The following NAV2 variants were observed in gnomAD, a reference collection of about 807,000 sequenced individuals.
NAV2 encodes helicase, APC down-regulated 1.
NAV2 carries 54 observed loss-of-function variants against 223.2 expected under a neutral mutation model. The ratio of observed to expected loss-of-function variants is 0.24; its 90% CI spans 0.19 to 0.30. The LOEUF (loss-of-function observed/expected upper bound fraction) is 0.30, where lower values mean the gene tolerates loss of function less well. Among genes scored for constraint, NAV2 ranks in the 10% least tolerant of loss-of-function variants. The probability of loss-of-function intolerance (pLI) is 1.00; values close to 1 mark genes in which losing one functional copy is unlikely to be tolerated. For missense variants in NAV2, 2,806 were observed against 3,147.5 expected (o/e 0.89, Z 2.60); for synonymous variants, 1,279 against 1,239.3 (o/e 1.03, Z -0.67).
chr11:19,487,700 G>A (rs781705595), intron 1 of NAV2, among the ~76,000 whole-genome samples: 1 of 152,164 alleles, frequency 6.6e-6, no homozygotes, highest in South Asian at 2.1e-4. Flanking sequence ...ACTGATTCAT[G>A]CCAACAACCA....
At chr11:19,718,781 T>C (rs2050518934) in intron 1 of NAV2, among the ~76,000 whole-genome samples, 1 of 152,192 alleles carries the variant, frequency 6.6e-6, no homozygotes, top group Non-Finnish European at 1.5e-5. Context: ...TTATTCAGGG[T>C]AACATTACAT....
At chr11:19,372,070 C>T (rs1202647008) in intron 1 of NAV2, among the ~76,000 whole-genome samples, 1 of 152,154 alleles carries the variant, frequency 6.6e-6, no homozygotes, top group Non-Finnish European at 1.5e-5. Context: ...TGAGCCACTG[C>T]ACCTGGCCTA....
chr11:19,385,854 T>C (rs1261434239), intron 1 of NAV2, among the ~76,000 whole-genome samples: 1 of 148,796 alleles, frequency 6.7e-6, no homozygotes, highest in East Asian at 2.1e-4. Flanking sequence ...CTCCGCCTCC[T>C]GGGTTCACGC....
intron 1 of NAV2, among the ~76,000 whole-genome samples, chr11:19,758,589 T>G (rs2054441041): frequency 6.6e-6 from 1 of 152,136 alleles, no homozygotes; most frequent in Non-Finnish European, 1.5e-5. Context: ...CAGGCCCAGG[T>G]GACTCAGGGA....
chr11:19,833,335 C>G (rs1305806296), intron 2 of NAV2, among the ~76,000 whole-genome samples: 1 of 152,202 alleles, frequency 6.6e-6, no homozygotes, highest in Non-Finnish European at 1.5e-5. Flanking sequence ...AGGGCCCAGC[C>G]TCTCTGGCAT....
At chr11:19,568,771 C>T (rs1195206926) in intron 1 of NAV2, among the ~76,000 whole-genome samples, 5 of 152,190 alleles carry the variant, frequency 3.3e-5, no homozygotes, top group South Asian at 2.1e-4. Flanking sequence ...GTGCTGCTAA[C>T]GTCACCTCCC....
At chr11:20,037,023 G>A (rs913542404) in intron 12 of NAV2, among the ~76,000 whole-genome samples, 2 of 152,266 alleles carry the variant, frequency 1.3e-5, no homozygotes, top group East Asian at 1.9e-4. Context: ...TAGTGGAAAC[G>A]TAAAGTGCTG....
At chr11:19,972,438 A>G (rs2049329640) in intron 10 of NAV2, among the ~76,000 whole-genome samples, 1 of 152,218 alleles carries the variant, frequency 6.6e-6, no homozygotes, top group Non-Finnish European at 1.5e-5. Flanking sequence ...CCAAAGGTCT[A>G]TATATCTGTT....
At chr11:19,555,679 T>C (rs2044860875) in intron 1 of NAV2, among the ~76,000 whole-genome samples, 1 of 152,126 alleles carries the variant, frequency 6.6e-6, no homozygotes, top group African/African-American at 2.4e-5. Flanking sequence ...AGGTTGAAAA[T>C]GTGACTCCTT....
intron 1 of NAV2, chr11:19,777,676 A>G: frequency 2.5e-6 from 1 of 400,640 alleles, no homozygotes; most frequent in Non-Finnish European, 5.0e-6. Context: ...GCTAGATCTC[A>G]GGGGAGGTGT....
At chr11:20,104,760 C>T (rs2153705031) in intron 34 of NAV2, 1 of 152,292 alleles carries the variant, frequency 6.6e-6, no homozygotes, top group South Asian at 2.1e-4. Context: ...GACCATAGAA[C>T]TCTCGTGCTT....
intron 11 of NAV2, among the ~76,000 whole-genome samples, chr11:19,994,282 C>T (rs1277370037): frequency 1.3e-5 from 2 of 152,026 alleles, no homozygotes; most frequent in East Asian, 1.9e-4. Context: ...CGTGGTGGCT[C>T]ATGCCTGTAA....
intron 1 of NAV2, among the ~76,000 whole-genome samples, chr11:19,578,861 G>A: frequency 6.6e-6 from 1 of 152,152 alleles, no homozygotes; most frequent in East Asian, 1.9e-4. Flanking sequence ...GGAAAGGTTT[G>A]CTACCTTTGG....
chr11:19,935,716 A>T (rs1419023324), intron 7 of NAV2, among the ~76,000 whole-genome samples: 1 of 151,958 alleles, frequency 6.6e-6, no homozygotes, highest in Non-Finnish European at 1.5e-5. Flanking sequence ...GGGTCATACC[A>T]ATCTTTTTAA....
At chr11:19,788,129 C>G (rs978812412) in intron 1 of NAV2, among the ~76,000 whole-genome samples, 1 of 152,204 alleles carries the variant, frequency 6.6e-6, no homozygotes, top group Non-Finnish European at 1.5e-5. Flanking sequence ...CGGGGTTTCT[C>G]AGCCTCAGCA....
intron 6 of NAV2, among the ~76,000 whole-genome samples, chr11:19,928,170 T>C (rs1198336736): frequency 6.6e-6 from 1 of 152,058 alleles, no homozygotes; most frequent in African/African-American, 2.4e-5. Flanking sequence ...TTACATAAAA[T>C]TTCTGCGTGA....
chr11:20,018,778 C>T (rs1024161111), intron 11 of NAV2, among the ~76,000 whole-genome samples: 1 of 152,112 alleles, frequency 6.6e-6, no homozygotes, highest in Non-Finnish European at 1.5e-5. Flanking sequence ...TGGTTGATGC[C>T]ATGAAGAAAA....
intron 11 of NAV2, among the ~76,000 whole-genome samples, chr11:20,000,200 C>G (rs1188924473): frequency 6.6e-6 from 1 of 152,230 alleles, no homozygotes; most frequent in African/African-American, 2.4e-5. Flanking sequence ...CAGGAGGTCT[C>G]AATCTTTGGA....
At chr11:20,115,597 A>G (rs7124441) in intron 37 of NAV2, among the ~76,000 whole-genome samples, 16,474 of 125,140 alleles carry the variant, frequency 0.13, 1,722 homozygotes, top group African/African-American at 0.31. Flanking sequence ...GCGCCACTGC[A>G]CTCCAGCCTG....
Sources: gnomAD v4.1 joint callset for allele counts (sites outside exome capture counted in the v4.1 genomes callset) on GRCh38, gnomAD v4.1.1 for gene constraint, MANE v1.5 for transcripts, NCBI Gene and HGNC (gene_info 2026-07-23, HGNC 2026-07-21) for gene names.